Variants in N4BP1 observed in about 807,000 individuals in gnomAD.
N4BP1 encodes NEDD4 binding protein 1, also known as NEDD4-binding protein 1.
A neutral mutation model predicts 70.9 loss-of-function variants in N4BP1; 21 were observed. That is an observed-to-expected ratio of 0.30 (90% confidence interval 0.21 to 0.43). N4BP1 has a LOEUF of 0.43. Ranked by LOEUF, N4BP1 falls within the 20% of genes least tolerant of loss-of-function variation. N4BP1 has a pLI of 1.00. For missense variants in N4BP1, 936 were observed against 1,069.4 expected (o/e 0.88, Z 1.74); for synonymous variants, 387 against 394.6 (o/e 0.98, Z 0.23).
chr16:48,561,593 G>C lies in N4BP1; in HGVS notation c.1050C>G (p.Leu350=). 6.2e-7 allele frequency: 1 copy of C among 1,613,612 alleles called. No individual in the cohort carries two copies. Among genetic ancestry groups the C allele is most frequent in the Non-Finnish European group, 8.5e-7 (1 of 1,179,822 alleles). ...ETTEEMEYNI[L]VNFFKTMGYS... The stretch of plus-strand genomic sequence containing the variant: ...AGCCCATGGTTTTAAAAAAGTTTAC[G>C]AGGATGTTGTATTCCATTTCCTCAG... Residue 350 remains leucine (L), a synonymous_variant, in exon 2 of 7, where the codon CTC becomes CTG. Transcript: ENST00000262384.
intron 2 of N4BP1, 69 bp from the exon 3 acceptor site, chr16:48,553,738 GA>G: frequency 7.7e-7 from 1 of 1,299,534 alleles, no homozygotes; most frequent in Non-Finnish European, 1.0e-6. Context: ...GTTTCACCAT[GA>G]AAAGTTAACA....
chr16:48,588,072 T>C (rs1307063820), intron 1 of N4BP1, among the ~76,000 whole-genome samples: 3 of 152,054 alleles, frequency 2.0e-5, no homozygotes, highest in African/African-American at 7.2e-5. Flanking sequence ...AAATGCAATA[T>C]AAGATTTCTT....
intron 5 of N4BP1, among the ~76,000 whole-genome samples, chr16:48,547,249 TTA>T (rs1476524727): frequency 2.6e-5 from 4 of 152,210 alleles, no homozygotes; most frequent in African/African-American, 9.7e-5. Flanking sequence ...CATGCTTACT[TTA>T]TGTTTTAAGA....
intron 1 of N4BP1, among the ~76,000 whole-genome samples, chr16:48,576,063 A>G (rs1461289910): frequency 2.6e-5 from 4 of 151,992 alleles, no homozygotes; most frequent in African/African-American, 9.7e-5. Context: ...AGACTCTTTC[A>G]TAAGAGGTGT....
chr16:48,600,888 T>C (rs1036668413), intron 1 of N4BP1, among the ~76,000 whole-genome samples: 1 of 152,206 alleles, frequency 6.6e-6, no homozygotes, highest in Non-Finnish European at 1.5e-5. Context: ...TAGAAGTGAA[T>C]TGTGGATGTA....
intron 1 of N4BP1, among the ~76,000 whole-genome samples, chr16:48,565,328 T>A (rs1441480309): frequency 6.6e-6 from 1 of 152,206 alleles, no homozygotes; most frequent in Non-Finnish European, 1.5e-5. Flanking sequence ...TTGAGGAAGT[T>A]ACCTATTCTC....
chr16:48,550,120 A>C (rs1963644561), intron 4 of N4BP1, among the ~76,000 whole-genome samples: 1 of 152,218 alleles, frequency 6.6e-6, no homozygotes, highest in Non-Finnish European at 1.5e-5. Flanking sequence ...ACGTCTTCTC[A>C]AAATTCTTTA....
intron 2 of N4BP1, among the ~76,000 whole-genome samples, chr16:48,558,583 G>A (rs1439670526): frequency 6.6e-6 from 1 of 152,184 alleles, no homozygotes; most frequent in East Asian, 1.9e-4. Flanking sequence ...AAAGCATCAG[G>A]ATCGCTGCTC....
In N4BP1 at chr16:48,553,648, A is replaced by G. The variant is rs746514463; in HGVS notation, c.1911T>C (p.Phe637=). The G allele has an allele frequency of 1.9e-6, 3 of 1,593,136 alleles. No individual in the cohort carries two copies. Among genetic ancestry groups the G allele is most frequent in the East Asian group, 4.5e-5 (2 of 44,476 alleles). Residue 637 remains phenylalanine, a synonymous_variant, in exon 3 of 7, where the codon TTT becomes TTC. Transcript: ENST00000262384. ...VAITHGLKKF[F]SCRGIAIAVE... ...CTGCAATTGCAATTCCACGACAAGA[A>G]AAGAACTTTTTCAGACCATGGCTAG...
chr16:48,539,233 A>T lies in N4BP1; in HGVS notation c.*3671T>A, dbSNP rs957158501. On this transcript the variant is annotated 3_prime_UTR_variant, in exon 7 of 7. Transcript: ENST00000262384. ...GACTAGAAGTATGTTACTGGAAGGT[A>T]AATCTGGCCACACTGCAGCATCTGG... is the stretch of plus-strand genomic sequence containing the variant. 6.6e-6 allele frequency: 1 copy of T among 152,396 alleles called. No individual in the cohort carries two copies. Among genetic ancestry groups the T allele is most frequent in the Admixed American group, 6.5e-5 (1 of 15,286 alleles). 9.4% of individuals were successfully genotyped at this position (152,396 alleles called of 1,614,324 possible).
Position 48,609,978 on chromosome 16 carries a change from G to A in N4BP1, c.-6C>T, listed in dbSNP as rs1964659406. On this transcript the variant is annotated 5_prime_UTR_variant, in exon 1 of 7. Coordinates refer to ENST00000262384, the MANE Select transcript of N4BP1 (RefSeq NM_153029.4). ...AGCACCGCCCGGGCCGCCATGGCGG[G>A]CGCGGCCTCCCGCGGCGGCGCCGGG... is the stretch of plus-strand genomic sequence containing the variant. 4.1e-6 allele frequency: 5 copies of A among 1,207,926 alleles called. No individual in the cohort carries two copies. In the African/African-American group the frequency reaches 6.4e-5, roughly 15 times the overall value. The allele number at this position is 1,207,926 out of a possible 1,614,324, so 74.8% of individuals were successfully genotyped here. A position where few individuals can be genotyped will look rare whatever the true frequency, so the allele number is the denominator to read the frequency against.
intron 1 of N4BP1, among the ~76,000 whole-genome samples, chr16:48,571,281 G>A (rs967514645): frequency 6.6e-6 from 1 of 152,098 alleles, no homozygotes; most frequent in Admixed American, 6.5e-5. Context: ...AACCAGCCAA[G>A]CTGAAGAGGA....
chr16:48,567,380 A>G (rs9936271), intron 1 of N4BP1, among the ~76,000 whole-genome samples: 65,253 of 151,970 alleles, frequency 0.43, 15,675 homozygotes, highest in African/African-American at 0.65. Context: ...AGTGGCACGC[A>G]GATCTTGGCT....
chr16:48,560,419 A>G (rs1963836429), intron 2 of N4BP1: 1 of 192,916 alleles, frequency 5.2e-6, no homozygotes, highest in Non-Finnish European at 1.1e-5. Flanking sequence ...TCTTATTTAG[A>G]TTAGAACATA....
intron 1 of N4BP1, among the ~76,000 whole-genome samples, chr16:48,608,273 G>A (rs1037003403): frequency 6.6e-6 from 1 of 152,126 alleles, no homozygotes; most frequent in African/African-American, 2.4e-5. Flanking sequence ...AAAGTGCTAG[G>A]ATTACAGGCG....
intron 1 of N4BP1, among the ~76,000 whole-genome samples, chr16:48,596,155 T>G (rs984785233): frequency 2.6e-5 from 4 of 152,228 alleles, no homozygotes; most frequent in Non-Finnish European, 4.4e-5. Flanking sequence ...AGAAACGTGT[T>G]TCAAAAACTA....
At chr16:48,577,706 C>T (rs1964114950) in intron 1 of N4BP1, 2 of 199,850 alleles carry the variant, frequency 1.0e-5, no homozygotes, top group African/African-American at 2.3e-5. Flanking sequence ...GCAAAGTTGC[C>T]CAGGGTGGCA....
At position 48,539,154 on chromosome 16, in the gene N4BP1, A is replaced by C. The variant is rs1038598576; in HGVS notation, c.*3750T>G. On this transcript the variant is annotated 3_prime_UTR_variant, in exon 7 of 7. Transcript: ENST00000262384. Reference sequence around the variant, plus strand: ...ACGGACACTAAGCTCAGGAGATGTGAACTTTGTGGTCTGGTCAAACAGCCA... The same window carrying C: ...ACGGACACTAAGCTCAGGAGATGTGCACTTTGTGGTCTGGTCAAACAGCCA... 5 of 152,246 alleles carry C rather than the reference A, an allele frequency of 3.3e-5. No homozygotes were observed. Among genetic ancestry groups the C allele is most frequent in the African/African-American group, 1.2e-4 (5 of 41,434 alleles). 9.4% of individuals were successfully genotyped at this position (152,246 alleles called of 1,614,324 possible).
In N4BP1 at chr16:48,542,430, G is replaced by A. The variant is rs995253055; in HGVS notation, c.*474C>T. 1.6e-4 allele frequency: 24 copies of A among 152,910 alleles called. No homozygotes were observed. The highest frequency in any genetic ancestry group is 5.9e-5 in the Non-Finnish European group (4 of 68,206). The allele number at this position is 152,910 out of a possible 1,614,324, so 9.5% of individuals were successfully genotyped here. A position where few individuals can be genotyped will look rare whatever the true frequency, so the allele number is the denominator to read the frequency against. The stretch of plus-strand genomic sequence containing the variant: ...CTTTAACTCCGGGGGTGAGGGCAGA[G>A]GAGGCTGGAAGGGTGAGCACACTTC... On this transcript the variant is annotated 3_prime_UTR_variant, in exon 7 of 7. Transcript: ENST00000262384.
Sources: gnomAD v4.1 joint callset for allele counts (sites outside exome capture counted in the v4.1 genomes callset) on GRCh38, gnomAD v4.1.1 for gene constraint, MANE v1.5 for transcripts, NCBI Gene and HGNC (gene_info 2026-07-23, HGNC 2026-07-21) for gene names.